GLIS3: variants seen among roughly 807,000 people sequenced by gnomAD.
GLIS3 encodes zinc finger protein GLIS3.
GLIS3 carries 53 observed loss-of-function variants against 78.6 expected under a neutral mutation model. The observed-to-expected ratio is 0.67, with a 90% CI of 0.54 to 0.85. The LOEUF (loss-of-function observed/expected upper bound fraction) is 0.85. Ranked by LOEUF, GLIS3 falls within the 40% of genes least tolerant of loss-of-function variation. The probability of loss-of-function intolerance (pLI) is 0.00; values close to 1 mark genes in which losing one functional copy is unlikely to be tolerated. For missense variants in GLIS3, 1,703 were observed against 1,231.1 expected, an observed-to-expected ratio of 1.38 and a Z score of -5.74; for synonymous variants, 684 against 509.9, an observed-to-expected ratio of 1.34 and a Z score of -4.60.
chr9:4,357,680 T>C, the GLIS3 span, among the ~76,000 whole-genome samples: 1 of 152,118 alleles, frequency 6.6e-6, no homozygotes, highest in Non-Finnish European at 1.5e-5. Flanking sequence ...ACTTTCAACT[T>C]TTTGGGGATT....
intron 8 of GLIS3, among the ~76,000 whole-genome samples, chr9:3,860,308 TG>T (rs1001245821): frequency 5.3e-5 from 6 of 114,082 alleles, no homozygotes; most frequent in African/African-American, 1.6e-4. Context: ...AAAAAACCTC[TG>T]GGGGATGAGG....
At chr9:4,282,176 C>A (rs1022469897) in intron 2 of GLIS3, among the ~76,000 whole-genome samples, 1 of 152,186 alleles carries the variant, frequency 6.6e-6, no homozygotes, top group South Asian at 2.1e-4. Context: ...GCTATAATCA[C>A]TTTCAAAGCT....
At chr9:4,314,884 C>G (rs1333362111) in intron 2 of GLIS3, among the ~76,000 whole-genome samples, 1 of 152,220 alleles carries the variant, frequency 6.6e-6, no homozygotes, top group Non-Finnish European at 1.5e-5. Context: ...GCGAACCCTG[C>G]TGTTAGCTCT....
chr9:4,097,800 T>C (rs1830076771), intron 4 of GLIS3, among the ~76,000 whole-genome samples: 1 of 151,970 alleles, frequency 6.6e-6, no homozygotes, highest in African/African-American at 2.4e-5. Flanking sequence ...ACCCCAAAGG[T>C]GCCAGATTTG....
chr9:4,398,414 G>C, the GLIS3 span, among the ~76,000 whole-genome samples: 1 of 151,976 alleles, frequency 6.6e-6, no homozygotes, highest in African/African-American at 2.4e-5. Flanking sequence ...GGTGATTCAA[G>C]TGCACATTCA....
chr9:4,164,965 C>A (rs980976279), intron 2 of GLIS3, among the ~76,000 whole-genome samples: 10 of 152,224 alleles, frequency 6.6e-5, no homozygotes, highest in Non-Finnish European at 1.3e-4. Context: ...GAATTTTGTT[C>A]TTGGTTTCCT....
At chr9:3,941,069 C>A (rs1488269609) in intron 4 of GLIS3, among the ~76,000 whole-genome samples, 1 of 151,904 alleles carries the variant, frequency 6.6e-6, no homozygotes, top group Non-Finnish European at 1.5e-5. Context: ...TGCTAACAAG[C>A]CCCCCATAAG....
At chr9:4,184,390 AT>A (rs1359210406) in intron 2 of GLIS3, among the ~76,000 whole-genome samples, 1 of 152,226 alleles carries the variant, frequency 6.6e-6, no homozygotes, top group African/African-American at 2.4e-5. Flanking sequence ...GAATATAACA[AT>A]ATAATCTTAC....
intron 2 of GLIS3, among the ~76,000 whole-genome samples, chr9:4,203,660 T>A (rs796624787): frequency 2.6e-5 from 4 of 152,324 alleles, no homozygotes; most frequent in African/African-American, 9.6e-5. Context: ...CACTCGTGTG[T>A]TCACTGCAGC....
At chr9:4,091,418 G>C (rs966832690) in intron 4 of GLIS3, among the ~76,000 whole-genome samples, 1 of 151,982 alleles carries the variant, frequency 6.6e-6, no homozygotes, top group Non-Finnish European at 1.5e-5. Context: ...TTGGTACACG[G>C]TAAGCATTTT....
chr9:3,841,829 C>CTT (rs1428732318), intron 9 of GLIS3, among the ~76,000 whole-genome samples: 1 of 152,176 alleles, frequency 6.6e-6, no homozygotes, highest in Non-Finnish European at 1.5e-5. Context: ...ACTAAAAATT[C>CTT]TAGCTCCTGC....
rs1353882760 is a variant in GLIS3 at position 4,118,984 on chromosome 9, T to A, written c.597-103A>T. On this transcript the variant is annotated intron_variant, in intron 3 of 10. Coordinates refer to ENST00000381971, the MANE Select transcript of GLIS3 (RefSeq NM_001042413.2). The surrounding 1 kb of genome is among the most constrained non-coding windows in gnomAD (Gnocchi z 4.7). ...AACACTGCATTGACAATCCCTTAAG[T>A]ATTTCCCCTAATTACATTCTGTGCT... The A allele has an allele frequency of 4.1e-6, 5 of 1,210,940 alleles. No individual in the cohort carries two copies. The highest frequency in any genetic ancestry group is 5.9e-6 in the Non-Finnish European group (5 of 854,368). 75.0% of individuals were successfully genotyped at this position (1,210,940 alleles called of 1,614,324 possible).
rs1265317427 is a variant in GLIS3 at position 3,991,683 on chromosome 9, A to AATTTTTTTTTTTTTTTTTTTTTTTTT, written c.1711-54495_1711-54494insAAAAAAAAAAAAAAAAAAAAAAAAAT. The stretch of plus-strand genomic sequence containing the variant: ...GTTCAGAATTTCATTAAGTAGGCTG[A>AATTTTTTTTTTTTTTTTTTTTTTTTT]TTTTTTTTTTTTTTTTTTTTTTTTT... On this transcript the variant is annotated intron_variant, in intron 4 of 10. Coordinates refer to ENST00000381971, the MANE Select transcript of GLIS3 (RefSeq NM_001042413.2). 3.3e-4 allele frequency among the ~76,000 whole-genome samples: 29 copies of AATTTTTTTTTTTTTTTTTTTTTTTTT among 87,902 alleles called. 3 individuals are homozygous for AATTTTTTTTTTTTTTTTTTTTTTTTT. Among genetic ancestry groups the AATTTTTTTTTTTTTTTTTTTTTTTTT allele is most frequent in the South Asian group, 9.4e-4 (2 of 2,118 alleles). 57.7% of individuals were successfully genotyped at this position (87,902 alleles called of 152,430 possible). A position where few individuals can be genotyped will look rare whatever the true frequency, so the allele number is the denominator to read the frequency against.
At chr9:3,865,290 T>G (rs1380578538) in intron 8 of GLIS3, among the ~76,000 whole-genome samples, 1 of 152,206 alleles carries the variant, frequency 6.6e-6, no homozygotes, top group Non-Finnish European at 1.5e-5. Context: ...TGCAGAAAGA[T>G]AATCTCTTAG....
intron 2 of GLIS3, among the ~76,000 whole-genome samples, chr9:4,326,331 A>C (rs1253523466): frequency 6.6e-6 from 1 of 152,262 alleles, no homozygotes; most frequent in African/African-American, 2.4e-5. Flanking sequence ...ATAAATGGAT[A>C]AACAAAATGT....
At chr9:3,899,029 A>G in intron 6 of GLIS3, 194 bp from the exon 7 acceptor site, 2 of 678,276 alleles carry the variant, frequency 2.9e-6, no homozygotes, top group Admixed American at 2.4e-5. Context: ...ACCTGGCAAG[A>G]GCTTCTGGAA....
intron 2 of GLIS3, among the ~76,000 whole-genome samples, chr9:4,238,211 A>C (rs1230180443): frequency 1.3e-5 from 2 of 152,170 alleles, no homozygotes; most frequent in Non-Finnish European, 2.9e-5. Context: ...TGAGAGACCG[A>C]AACAATGTGG....
At chr9:3,936,155 A>C (rs1221571391) in intron 5 of GLIS3, among the ~76,000 whole-genome samples, 1 of 152,196 alleles carries the variant, frequency 6.6e-6, no homozygotes, top group Non-Finnish European at 1.5e-5. Flanking sequence ...CATTATTTGC[A>C]AGAATGTGGG....
At chr9:4,188,042 G>C (rs1419168150) in intron 2 of GLIS3, among the ~76,000 whole-genome samples, 2 of 152,022 alleles carry the variant, frequency 1.3e-5, no homozygotes, top group African/African-American at 2.4e-5. Flanking sequence ...TGTTGAATAG[G>C]AGTGGTGAGA....
Sources: allele counts gnomAD v4.1 joint callset (sites outside exome capture counted in the v4.1 genomes callset), GRCh38; gene constraint gnomAD v4.1.1; non-coding constraint Gnocchi (gnomAD v3.1); transcripts MANE v1.5; gene names NCBI Gene and HGNC (gene_info 2026-07-23, HGNC 2026-07-21).